Variants in PAPSS1 observed in about 807,000 individuals in gnomAD.
PAPSS1 encodes 3'-phosphoadenosine 5'-phosphosulfate synthase 1, also known as bifunctional 3'-phosphoadenosine 5'-phosphosulfate synthase 1.
In PAPSS1, 50 loss-of-function variants were observed where a neutral mutation model predicts 72.0. The observed-to-expected ratio is 0.69, with a 90% CI of 0.55 to 0.88. The LOEUF is 0.88. PAPSS1 is among the 40% of genes least tolerant of loss of function. PAPSS1 has a pLI of 0.00. For synonymous variants in PAPSS1, 261 were observed against 263.6 expected (o/e 0.99, Z 0.09); for missense variants, 657 against 782.2 (o/e 0.84, Z 1.91).
intron 6 of PAPSS1, among the ~76,000 whole-genome samples, chr4:107,657,376 T>C (rs919246764): frequency 2.1e-4 from 32 of 152,064 alleles, no homozygotes; most frequent in African/African-American, 7.7e-4. Flanking sequence ...TCCCAGAAAA[T>C]GATAACAGTG....
chr4:107,656,395 C>T (rs1727010630), intron 7 of PAPSS1, among the ~76,000 whole-genome samples: 1 of 152,158 alleles, frequency 6.6e-6, no homozygotes, highest in African/African-American at 2.4e-5. Context: ...AGATTACAGG[C>T]GTGAGCCACT....
intron 1 of PAPSS1, among the ~76,000 whole-genome samples, chr4:107,716,062 G>A (rs1324801155): frequency 1.3e-5 from 2 of 152,166 alleles, no homozygotes; most frequent in Non-Finnish European, 2.9e-5. Context: ...ATTATCTAAG[G>A]ATTTCAATAT....
At chr4:107,719,187 G>GTTTTTTTTTTTTTTTT (rs9307313) in intron 1 of PAPSS1, among the ~76,000 whole-genome samples, 20 of 146,412 alleles carry the variant, frequency 1.4e-4, no homozygotes, top group East Asian at 2.0e-4. Context: ...GAAATTGCTT[G>GTTTTTTTTTTTTTTTT]TTTTTTTTTT....
intron 10 of PAPSS1, among the ~76,000 whole-genome samples, chr4:107,639,561 A>G (rs1726481927): frequency 6.6e-6 from 1 of 152,224 alleles, no homozygotes; most frequent in African/African-American, 2.4e-5. Flanking sequence ...TAAGTAATAC[A>G]TAATCCTAAG....
intron 10 of PAPSS1, among the ~76,000 whole-genome samples, chr4:107,641,353 T>C (rs556010789): frequency 8.7e-4 from 133 of 152,292 alleles, no homozygotes; most frequent in Non-Finnish European, 1.6e-3. Flanking sequence ...TTCCATCCAC[T>C]TACCTCCACC....
intron 5 of PAPSS1, among the ~76,000 whole-genome samples, chr4:107,681,669 T>C (rs964123771): frequency 6.6e-6 from 1 of 152,160 alleles, no homozygotes; most frequent in African/African-American, 2.4e-5. Flanking sequence ...CAACTTTGTA[T>C]ACCTCAAATG....
chr4:107,636,566 G>C (rs945045307), intron 10 of PAPSS1, among the ~76,000 whole-genome samples: 5 of 152,192 alleles, frequency 3.3e-5, no homozygotes, highest in East Asian at 3.9e-4. Context: ...GAAATCAAAG[G>C]GGGTAACACT....
chr4:107,643,023 C>A (rs1182422519), intron 10 of PAPSS1, among the ~76,000 whole-genome samples: 1 of 152,170 alleles, frequency 6.6e-6, no homozygotes, highest in Non-Finnish European at 1.5e-5. Flanking sequence ...CTGTAAAGTG[C>A]CCAAACATCC....
chr4:107,672,749 G>A (rs546307375), intron 5 of PAPSS1, among the ~76,000 whole-genome samples: 1 of 152,308 alleles, frequency 6.6e-6, no homozygotes, highest in East Asian at 1.9e-4. Flanking sequence ...CTGGAGATCT[G>A]AGAACTGACA....
At chr4:107,628,616 C>A (rs1726155375) in intron 11 of PAPSS1, among the ~76,000 whole-genome samples, 1 of 152,170 alleles carries the variant, frequency 6.6e-6, no homozygotes, top group South Asian at 2.1e-4. Context: ...ATCTGTTTTG[C>A]TTGTTGTATT....
At chr4:107,665,939 C>G (rs1727305058) in intron 5 of PAPSS1, among the ~76,000 whole-genome samples, 1 of 152,124 alleles carries the variant, frequency 6.6e-6, no homozygotes, top group Non-Finnish European at 1.5e-5. Context: ...TACAATGATT[C>G]CACATTTTAA....
intron 11 of PAPSS1, among the ~76,000 whole-genome samples, 185 bp downstream of exon 11, chr4:107,631,446 G>A (rs1726222862): frequency 6.6e-6 from 1 of 152,134 alleles, no homozygotes; most frequent in Admixed American, 6.6e-5. Flanking sequence ...CATGAAACTA[G>A]ATTCAAGTTT....
intron 10 of PAPSS1, among the ~76,000 whole-genome samples, chr4:107,638,316 T>C (rs953955366): frequency 3.0e-4 from 45 of 152,320 alleles, no homozygotes; most frequent in African/African-American, 9.9e-4. Flanking sequence ...AAAGGCAGTC[T>C]ACATCATGGA....
intron 5 of PAPSS1, among the ~76,000 whole-genome samples, chr4:107,664,034 G>C (rs1727254564): frequency 6.6e-6 from 1 of 152,134 alleles, no homozygotes; most frequent in South Asian, 2.1e-4. Context: ...TTCTATTAAA[G>C]ACAAGTAAGC....
At chr4:107,662,845 G>C (rs1420043751) in intron 5 of PAPSS1, among the ~76,000 whole-genome samples, 2 of 152,148 alleles carry the variant, frequency 1.3e-5, no homozygotes, top group Non-Finnish European at 2.9e-5. Context: ...TAGTTTAGCA[G>C]TCTGTGCAAA....
intron 9 of PAPSS1, among the ~76,000 whole-genome samples, chr4:107,647,085 G>A (rs17037947): frequency 0.035 from 5,341 of 152,302 alleles, 287 homozygotes; most frequent in African/African-American, 0.12. Context: ...GGATGCAAAT[G>A]CAGCTGGAGA....
At chr4:107,648,321 G>A (rs958536) in intron 9 of PAPSS1, among the ~76,000 whole-genome samples, 36,700 of 152,162 alleles carry the variant, frequency 0.24, 5,058 homozygotes, top group Middle Eastern at 0.34. Flanking sequence ...ATCTAGAGGC[G>A]TTGCCAGCAA....
At chr4:107,665,765 T>C (rs1727299502) in intron 5 of PAPSS1, among the ~76,000 whole-genome samples, 2 of 152,318 alleles carry the variant, frequency 1.3e-5, no homozygotes, top group South Asian at 2.1e-4. Flanking sequence ...AGAACGTTGT[T>C]TGACTTTGAC....
chr4:107,706,177 T>C (rs748404379), intron 1 of PAPSS1, among the ~76,000 whole-genome samples: 5 of 152,228 alleles, frequency 3.3e-5, no homozygotes, highest in African/African-American at 4.8e-5. Context: ...TGTACTTATT[T>C]ATACCTTTCC....
Sources: gnomAD v4.1 joint callset for allele counts (sites outside exome capture counted in the v4.1 genomes callset) on GRCh38, gnomAD v4.1.1 for gene constraint, MANE v1.5 for transcripts, NCBI Gene and HGNC (gene_info 2026-07-23, HGNC 2026-07-21) for gene names.